Variants in SNX2 observed in about 807,000 individuals in gnomAD.
SNX2 encodes sorting nexin-2.
A neutral mutation model predicts 69.9 loss-of-function variants in SNX2; 25 were observed. The observed-to-expected ratio is 0.36, with a 90% CI of 0.26 to 0.50. SNX2 has a LOEUF of 0.50. Ranked by LOEUF, SNX2 falls within the 20% of genes least tolerant of loss-of-function variation. The probability of loss-of-function intolerance (pLI) is 0.97; values close to 1 mark genes in which losing one functional copy is unlikely to be tolerated. For missense variants in SNX2, 551 were observed against 613.3 expected, an observed-to-expected ratio of 0.90 and a Z score of 1.07; for synonymous variants, 229 against 200.4, an observed-to-expected ratio of 1.14 and a Z score of -1.20.
intron 6 of SNX2, among the ~76,000 whole-genome samples, chr5:122,807,515 G>T (rs1753685163): frequency 6.6e-6 from 1 of 152,058 alleles, no homozygotes; most frequent in Admixed American, 6.5e-5. Flanking sequence ...TTTTTTGTGT[G>T]TGACAAATTC....
intron 1 of SNX2, among the ~76,000 whole-genome samples, chr5:122,794,601 G>A (rs1417604928): frequency 1.3e-5 from 2 of 152,080 alleles, no homozygotes; most frequent in Non-Finnish European, 2.9e-5. Flanking sequence ...ACAAAATTAG[G>A]GATTTTTGAA....
intron 2 of SNX2, among the ~76,000 whole-genome samples, chr5:122,797,817 A>G (rs942608393): frequency 7.9e-5 from 12 of 152,294 alleles, no homozygotes; most frequent in Middle Eastern, 3.4e-3. Context: ...AACCTTATGA[A>G]TTTGTAATAT....
intron 1 of SNX2, among the ~76,000 whole-genome samples, chr5:122,787,604 C>T (rs10037044): frequency 0.81 from 123,312 of 152,046 alleles, 50,894 homozygotes; most frequent in East Asian, 0.99. Flanking sequence ...GGTTGGACAC[C>T]TGAAGGAAGT....
chr5:122,826,977 T>C (rs1181207752), intron 12 of SNX2, among the ~76,000 whole-genome samples: 1 of 152,042 alleles, frequency 6.6e-6, no homozygotes, highest in Non-Finnish European at 1.5e-5. Context: ...ACACATATCC[T>C]TGGATTTAAC....
intron 8 of SNX2, among the ~76,000 whole-genome samples, chr5:122,816,576 G>A (rs1753904467): frequency 1.3e-5 from 2 of 151,902 alleles, no homozygotes; most frequent in South Asian, 2.1e-4. Context: ...CCTTATAAAC[G>A]GTTTATTTCT....
chr5:122,826,305 A>G, intron 12 of SNX2, 112 bp downstream of exon 12: 1 of 888,820 alleles, frequency 1.1e-6, no homozygotes, highest in Non-Finnish European at 1.6e-6. Flanking sequence ...ATTTTTGCAT[A>G]TTTTTATGAA....
Position 122,830,649 on chromosome 5 carries a change from G to C in SNX2, c.*1001G>C, listed in dbSNP as rs1754264774. Among the ~76,000 whole-genome samples the C allele has an allele frequency of 6.6e-6, 1 of 151,968 alleles. No homozygotes were observed. The highest frequency in any genetic ancestry group is 2.4e-5 in the African/African-American group (1 of 41,344). On this transcript the variant is annotated 3_prime_UTR_variant, in exon 15 of 15. Transcript: ENST00000379516. ...GTAAACTGAAATTTAGTTTGCCTTGGGCAATGTTTTTACCCATTCTGTATG... is the reference window on the plus strand; with the variant it reads ...GTAAACTGAAATTTAGTTTGCCTTGCGCAATGTTTTTACCCATTCTGTATG...
Position 122,815,972 on chromosome 5 carries a change from GTAT to G in SNX2, c.798+6_798+8del, listed in dbSNP as rs1424131660. Reference sequence around the variant, plus strand: ...AAGGCAGTTCTTGGAAAGTTCAGAGGTATTATTTCTATATTAAATGTTTGTATA... The same window carrying G: ...AAGGCAGTTCTTGGAAAGTTCAGAGGTATTTCTATATTAAATGTTTGTATA... On this transcript the variant is annotated splice_donor_variant and splice_donor_region_variant and intron_variant, in intron 8 of 14. Transcript: ENST00000379516. LOFTEE classifies it high-confidence loss of function. 1.1e-5 allele frequency: 17 copies of G among 1,553,790 alleles called. No individual in the cohort carries two copies. The highest frequency in any genetic ancestry group is 1.4e-5 in the Non-Finnish European group (16 of 1,133,568).
chr5:122,821,529 C>T (rs778853259), intron 11 of SNX2, among the ~76,000 whole-genome samples: 7 of 151,132 alleles, frequency 4.6e-5, no homozygotes, highest in South Asian at 4.2e-4. Context: ...GATTTCGGCT[C>T]ATTGCAGGCT....
At chr5:122,818,677 T>C (rs1753952906) in intron 10 of SNX2, 141 bp from the exon 11 acceptor site, 2 of 666,818 alleles carry the variant, frequency 3.0e-6, no homozygotes, top group South Asian at 2.2e-5. Flanking sequence ...TAACGACTAA[T>C]TGTTTCATAT....
chr5:122,794,740 G>A (rs965212507), intron 1 of SNX2, among the ~76,000 whole-genome samples: 1 of 152,098 alleles, frequency 6.6e-6, no homozygotes, highest in Non-Finnish European at 1.5e-5. Flanking sequence ...AAGGTTTTCT[G>A]GCCAGGGGTG....
chr5:122,796,579 G>T (rs1173026417), intron 2 of SNX2, among the ~76,000 whole-genome samples: 1 of 152,040 alleles, frequency 6.6e-6, no homozygotes, highest in Non-Finnish European at 1.5e-5. Context: ...TTTTTTCCAG[G>T]CAATCTTTCA....
intron 1 of SNX2, among the ~76,000 whole-genome samples, chr5:122,776,313 A>C (rs1400101798): frequency 6.6e-6 from 1 of 152,104 alleles, no homozygotes; most frequent in Non-Finnish European, 1.5e-5. Context: ...ACATTCTGCT[A>C]ATTGTATATG....
chr5:122,802,215 TCTTTATAAAGGTTACCACCTA>T, intron 5 of SNX2, 91 bp downstream of exon 5: 3 of 1,124,392 alleles, frequency 2.7e-6, no homozygotes, highest in Non-Finnish European at 4.0e-6. Flanking sequence ...GTGATCCCTG[TCTTTATAAAGGTTACCACCTA>T]ATAAAGATTG....
At chr5:122,808,225 G>C in intron 6 of SNX2, 52 bp from the exon 7 acceptor site, 2 of 1,130,080 alleles carry the variant, frequency 1.8e-6, no homozygotes, top group South Asian at 1.5e-5. Context: ...GATTATGAAA[G>C]ACTTTCACAG....
chr5:122,801,803 A>C, intron 3 of SNX2, 66 bp from the exon 4 acceptor site: 2 of 998,966 alleles, frequency 2.0e-6, no homozygotes, highest in Non-Finnish European at 3.1e-6. Flanking sequence ...AGATGATAAA[A>C]ATTAGTGTCA....
rs550240937 is a variant in SNX2 at position 122,782,363 on chromosome 5, T to G, written c.108+7152T>G. 3.6e-3 allele frequency among the ~76,000 whole-genome samples: 532 copies of G among 147,152 alleles called. 7 individuals are homozygous for G. The highest frequency in any genetic ancestry group is 0.012 in the African/African-American group (483 of 39,652). On this transcript the variant is annotated intron_variant, in intron 1 of 14. Transcript: ENST00000379516. ...AAAAGATTCTCCTGCCTCGGCCTCC[T>G]GAATAGCTGGGATTACAGGCACCTA...
chr5:122,817,211 G>A, intron 9 of SNX2, 69 bp from the exon 10 acceptor site: 3 of 1,431,304 alleles, frequency 2.1e-6, no homozygotes, highest in Non-Finnish European at 3.0e-6. Flanking sequence ...AATTTAGCTT[G>A]CTATTGGTAA....
chr5:122,800,915 T>C (rs1253778674), intron 3 of SNX2, among the ~76,000 whole-genome samples: 1 of 152,224 alleles, frequency 6.6e-6, no homozygotes, highest in Non-Finnish European at 1.5e-5. Flanking sequence ...ATGTTTGGAT[T>C]GCTTATTTTT....
Sources: gnomAD v4.1 joint callset for allele counts (sites outside exome capture counted in the v4.1 genomes callset) on GRCh38, gnomAD v4.1.1 for gene constraint, MANE v1.5 for transcripts, NCBI Gene and HGNC (gene_info 2026-07-23, HGNC 2026-07-21) for gene names.